NEK5: variants seen among roughly 807,000 people sequenced by gnomAD.
The protein encoded by NEK5 is serine/threonine-protein kinase Nek5.
A neutral mutation model predicts 109.2 loss-of-function variants in NEK5; 88 were observed. The ratio of observed to expected loss-of-function variants is 0.81; its 90% CI spans 0.68 to 0.96. NEK5 has a LOEUF of 0.96. NEK5 is among the 40% of genes least tolerant of loss of function. NEK5 has a pLI of 0.00. For synonymous variants in NEK5, 283 were observed against 299.9 expected (o/e 0.94, Z 0.58); for missense variants, 834 against 920.7 (o/e 0.91, Z 1.22).
chr13:52,057,953 G>A (rs1213411505), intron 22 of NEK5, among the ~76,000 whole-genome samples: 2 of 151,888 alleles, frequency 1.3e-5, no homozygotes, highest in African/African-American at 2.4e-5. Context: ...TCTGGCCAGG[G>A]CAATGAGGCA....
In NEK5 at chr13:52,087,479, T is replaced by A; in HGVS notation, c.1276-25A>T. ...CCTATTTATTGAATGAAATAATTTATAATGCATACTTTGATTTCGGAAACA... is the reference window on the plus strand; with the variant it reads ...CCTATTTATTGAATGAAATAATTTAAAATGCATACTTTGATTTCGGAAACA... On this transcript the variant is annotated intron_variant, in intron 14 of 23. Coordinates refer to ENST00000684899, the MANE Select transcript of NEK5 (RefSeq NM_001365552.1). 2.6e-6 allele frequency: 3 copies of A among 1,145,110 alleles called. No individual in the cohort carries two copies. The East Asian group carries it at 7.0e-5, about 27-fold the overall frequency. The allele number at this position is 1,145,110 out of a possible 1,614,324, so 70.9% of individuals were successfully genotyped here. A position where few individuals can be genotyped will look rare whatever the true frequency, so the allele number is the denominator to read the frequency against.
At chr13:52,046,743 A>T (rs1443031924) in intron 23 of NEK5, among the ~76,000 whole-genome samples, 1 of 151,824 alleles carries the variant, frequency 6.6e-6, no homozygotes, top group African/African-American at 2.4e-5. Flanking sequence ...AAAAAAAAAA[A>T]TCCTAGAATC....
intron 13 of NEK5, among the ~76,000 whole-genome samples, chr13:52,091,435 T>G (rs1328436211): frequency 1.3e-5 from 2 of 152,166 alleles, no homozygotes; most frequent in Admixed American, 1.3e-4. Context: ...GTTATGAAGA[T>G]CGATAAAAAC....
At chr13:52,055,565 C>T (rs913210595) in intron 22 of NEK5, among the ~76,000 whole-genome samples, 11 of 152,102 alleles carry the variant, frequency 7.2e-5, no homozygotes, top group African/African-American at 2.7e-4. Context: ...TCAGGTTATC[C>T]TCAAAGGGAA....
At chr13:52,070,675 T>C (rs1954769592) in intron 20 of NEK5, among the ~76,000 whole-genome samples, 1 of 152,218 alleles carries the variant, frequency 6.6e-6, no homozygotes, top group African/African-American at 2.4e-5. Flanking sequence ...CTCTTTCTTT[T>C]GTAAATTGCT....
chr13:52,064,404 A>G (rs1165586621), intron 21 of NEK5, among the ~76,000 whole-genome samples: 8 of 87,672 alleles, frequency 9.1e-5, no homozygotes, highest in East Asian at 3.7e-4. Context: ...GAGGTGGGGG[A>G]GCCAGCCCCC....
intron 5 of NEK5, 142 bp downstream of exon 5, chr13:52,112,126 T>C (rs1361990374): frequency 4.4e-6 from 2 of 458,510 alleles, no homozygotes; most frequent in African/African-American, 2.0e-5. Flanking sequence ...ACCAAGAATA[T>C]TGATCCACTA....
At position 52,042,566 on chromosome 13, in the gene NEK5, T is replaced by C. The variant is rs184241284; in HGVS notation, c.2229-5348A>G. Among the ~76,000 whole-genome samples, 4 of 151,864 alleles carry C rather than the reference T, an allele frequency of 2.6e-5. No individual in the cohort carries two copies. The East Asian group carries it at 7.7e-4, about 29-fold the overall frequency. ...GATACATGAGGGTTCATTATGCTGT[T>C]CTCTACTTGCACTATAAATGTTTGA... On this transcript the variant is annotated intron_variant, in intron 23 of 23. Coordinates refer to ENST00000684899, the MANE Select transcript of NEK5 (RefSeq NM_001365552.1).
At chr13:52,080,623 G>A (rs1001684965) in intron 17 of NEK5, among the ~76,000 whole-genome samples, 68 of 152,128 alleles carry the variant, frequency 4.5e-4, no homozygotes, top group African/African-American at 1.4e-3. Flanking sequence ...AACATGTGCT[G>A]TGTCCACTCA....
At chr13:52,085,831 A>G (rs1333419898) in intron 16 of NEK5, among the ~76,000 whole-genome samples, 10 of 152,164 alleles carry the variant, frequency 6.6e-5, no homozygotes, top group Non-Finnish European at 1.3e-4. Flanking sequence ...CTGCACTCAG[A>G]TTTTGCCTTA....
intron 22 of NEK5, among the ~76,000 whole-genome samples, chr13:52,052,785 A>G (rs1393091836): frequency 6.6e-6 from 1 of 152,248 alleles, no homozygotes; most frequent in African/African-American, 2.4e-5. Flanking sequence ...TAAAGTTCAC[A>G]TAACAAACCT....
intron 20 of NEK5, among the ~76,000 whole-genome samples, chr13:52,069,260 C>G (rs1055735536): frequency 6.6e-6 from 1 of 152,206 alleles, no homozygotes; most frequent in Non-Finnish European, 1.5e-5. Flanking sequence ...CCAAATCCCA[C>G]TCACCTCATC....
intron 17 of NEK5, among the ~76,000 whole-genome samples, chr13:52,080,577 G>A (rs1375271049): frequency 6.6e-6 from 1 of 152,198 alleles, no homozygotes; most frequent in Non-Finnish European, 1.5e-5. Flanking sequence ...TGATCCTGTT[G>A]ATCTGTGACC....
chr13:52,074,528 C>A (rs1954833908), intron 19 of NEK5, among the ~76,000 whole-genome samples: 1 of 151,988 alleles, frequency 6.6e-6, no homozygotes, highest in Non-Finnish European at 1.5e-5. Flanking sequence ...CTATAAGAAT[C>A]CTAAAAGAAA....
rs550559420 is a variant in NEK5 at position 52,055,865 on chromosome 13, G to A, written c.2111-5644C>T. Among the ~76,000 whole-genome samples the A allele has an allele frequency of 4.7e-4, 71 of 152,026 alleles. No individual in the cohort carries two copies. The South Asian group carries it at 7.7e-3, about 17-fold the overall frequency. On this transcript the variant is annotated intron_variant, in intron 22 of 23. Coordinates refer to ENST00000684899, the MANE Select transcript of NEK5 (RefSeq NM_001365552.1). ...ATCATGCCAAAATGTAAAGACCATC[G>A]AGACTACGAAGAAACTGCACCAACT...
At position 52,093,128 on chromosome 13, in the gene NEK5, G is replaced by A. The variant is rs1234344218; in HGVS notation, c.1134C>T (p.His378=). ...LRRRAHKPSY[H]PIPQENTGVE... is the part of the protein sequence containing the mutation. The stretch of plus-strand genomic sequence containing the variant: ...CTCCAGTATTTTCTTGAGGAATAGG[G>A]TGATAACTTGGTTTGTGGGCTCTCC... The change falls in exon 13 of 24, where the codon CAC becomes CAT. Residue 378 remains histidine, a synonymous_variant. Transcript: ENST00000684899. The A allele has an allele frequency of 6.2e-7, 1 of 1,613,522 alleles. No individual in the cohort carries two copies. Among genetic ancestry groups the A allele is most frequent in the Non-Finnish European group, 8.5e-7 (1 of 1,179,482 alleles).
At chr13:52,094,215 T>C (rs1955355380) in intron 12 of NEK5, among the ~76,000 whole-genome samples, 2 of 152,094 alleles carry the variant, frequency 1.3e-5, no homozygotes, top group Non-Finnish European at 2.9e-5. Context: ...CAAATTAAGA[T>C]ATAAAAGCCA....
chr13:52,096,152 T>C (rs532010271), intron 12 of NEK5, among the ~76,000 whole-genome samples: 14 of 152,314 alleles, frequency 9.2e-5, no homozygotes, highest in African/African-American at 3.4e-4. Context: ...TGTGAGCCAA[T>C]TAAATGTATT....
intron 17 of NEK5, chr13:52,082,367 T>G: frequency 1.7e-6 from 2 of 1,186,436 alleles, no homozygotes; most frequent in Non-Finnish European, 2.1e-6. Context: ...TTGAGAATCT[T>G]CTTACTAAGC....
Sources: gnomAD v4.1 joint callset for allele counts (sites outside exome capture counted in the v4.1 genomes callset) on GRCh38, gnomAD v4.1.1 for gene constraint, MANE v1.5 for transcripts, NCBI Gene and HGNC (gene_info 2026-07-23, HGNC 2026-07-21) for gene names.